A2M: variants seen among roughly 807,000 people sequenced by gnomAD.
A2M encodes the protein alpha-2-macroglobulin.
In A2M, 128 loss-of-function variants were observed where a neutral mutation model predicts 183.9. The observed-to-expected ratio is 0.70, with a 90% CI of 0.60 to 0.81. The LOEUF is 0.81. Ranked by LOEUF, A2M falls within the 30% of genes least tolerant of loss-of-function variation. The probability of loss-of-function intolerance (pLI) is 0.00; values close to 1 mark genes in which losing one functional copy is unlikely to be tolerated. For missense variants in A2M, 1,495 were observed against 1,787.6 expected, an observed-to-expected ratio of 0.84 and a Z score of 2.95; for synonymous variants, 592 against 670.8, an observed-to-expected ratio of 0.88 and a Z score of 1.81.
chr12:9,079,547 A>G (rs1438570316), intron 24 of A2M, 92 bp downstream of exon 24: 1 of 1,245,094 alleles, frequency 8.0e-7, no homozygotes, highest in Non-Finnish European at 1.1e-6. Flanking sequence ...GAGCTAAGCT[A>G]ATGTATCATA....
In A2M at chr12:9,104,261, A is replaced by T; in HGVS notation, c.1244T>A (p.Met415Lys). The T allele has an allele frequency of 6.2e-7, 1 of 1,612,748 alleles. No homozygotes were observed. Among genetic ancestry groups the T allele is most frequent in the South Asian group, 1.1e-5 (1 of 90,640 alleles). The change falls in exon 11 of 36, where the codon ATG becomes AAG. Residue 415 changes from methionine to lysine, a missense_variant. Coordinates refer to ENST00000318602, the MANE Select transcript of A2M (RefSeq NM_000014.6). ...TACCCTAACAGTAAGAGAGGTACCC[A>T]TAACATTGGTGGTGTTGATAGAGAA... ...VQFSINTTNV[M>K]GTSLTVRVNY...
In A2M at chr12:9,095,580, C is replaced by T; in HGVS notation, c.1972G>A (p.Val658Ile). The T allele has an allele frequency of 1.2e-6, 2 of 1,612,300 alleles. No homozygotes were observed. Among genetic ancestry groups the T allele is most frequent in the South Asian group, 1.1e-5 (1 of 91,002 alleles). Reference sequence around the variant, plus strand: ...ATATCCTTTTCATTTGTACTTGATACTGGAGTATATGTGATTCCATTAATA... The same window carrying T: ...ATATCCTTTTCATTTGTACTTGATATTGGAGTATATGTGATTCCATTAATA... ...VYINGITYTP[V>I]SSTNEKDMYS... The change falls in exon 16 of 36, where the codon GTA becomes ATA. Residue 658 changes from valine (V) to isoleucine (I), a missense_variant. Coordinates refer to ENST00000318602, the MANE Select transcript of A2M (RefSeq NM_000014.6).
chr12:9,114,907 A>G (rs748011447), intron 1 of A2M, among the ~76,000 whole-genome samples: 1 of 152,336 alleles, frequency 6.6e-6, no homozygotes, highest in East Asian at 1.9e-4. Context: ...TGATTCATAC[A>G]TATTAGATAT....
intron 21 of A2M, among the ~76,000 whole-genome samples, chr12:9,089,529 CCAGGA>C (rs753158152): frequency 2.0e-4 from 30 of 152,180 alleles, no homozygotes; most frequent in Non-Finnish European, 3.4e-4. Context: ...TCACTTGAGG[CCAGGA>C]GTTCGAGACC....
chr12:9,092,297 T>C (rs765213383), intron 18 of A2M, among the ~76,000 whole-genome samples: 4 of 152,172 alleles, frequency 2.6e-5, no homozygotes, highest in Non-Finnish European at 5.9e-5. Flanking sequence ...GTCTGGCTCC[T>C]AAATCACCTA....
At chr12:9,072,267 T>G in intron 31 of A2M, 92 bp downstream of exon 31, 5 of 1,437,626 alleles carry the variant, frequency 3.5e-6, no homozygotes, top group Non-Finnish European at 4.8e-6. Flanking sequence ...AGTGCAAATA[T>G]CTACTGTTGC....
At position 9,112,482 on chromosome 12, in the gene A2M, C is replaced by T; in HGVS notation, c.325G>A (p.Gly109Arg). 6.2e-7 allele frequency: 1 copy of T among 1,613,812 alleles called. No homozygotes were observed. Among genetic ancestry groups the T allele is most frequent in the Non-Finnish European group, 8.5e-7 (1 of 1,179,804 alleles). Reference protein sequence around the residue: ...EVMFLTVQVKGPTQEFKKRTT... With the variant: ...EVMFLTVQVKRPTQEFKKRTT... The stretch of plus-strand genomic sequence containing the variant: ...CGCTTCTTAAATTCTTGGGTTGGTC[C>T]TTTCACTTGGACAGTGAGGAACATT... Residue 109 changes from glycine to arginine, a missense_variant, in exon 3 of 36, where the codon GGA becomes AGA. By Grantham distance (125) the Gly-to-Arg change is moderately radical. Coordinates refer to ENST00000318602, the MANE Select transcript of A2M (RefSeq NM_000014.6).
intron 8 of A2M, 39 bp from the exon 9 acceptor site, chr12:9,106,644 T>A: frequency 9.4e-7 from 1 of 1,067,636 alleles, no homozygotes; most frequent in African/African-American, 1.6e-5. Flanking sequence ...ATATAATGCA[T>A]ATTATACTAA....
At position 9,090,001 on chromosome 12, in the gene A2M, G is replaced by A. The variant is rs767057851; in HGVS notation, c.2619C>T (p.Ser873=). 8.8e-6 allele frequency: 14 copies of A among 1,596,426 alleles called. No homozygotes were observed. Among genetic ancestry groups the A allele is most frequent in the Admixed American group, 3.4e-5 (2 of 59,456 alleles). ...KSLGNVNFTV[S]AEALESQELC... is the part of the protein sequence containing the mutation. ...GCTCTTGAGACTCTAGTGCCTCTGC[G>A]CTCACAGTGAAATTCACATTTCCTG... The change falls in exon 21 of 36, where the codon AGC becomes AGT. Residue 873 remains serine, a synonymous_variant. Coordinates refer to ENST00000318602, the MANE Select transcript of A2M (RefSeq NM_000014.6).
In A2M at chr12:9,096,784, T is replaced by C. The variant is rs192124994; in HGVS notation, c.1852-1084A>G. On this transcript the variant is annotated intron_variant, in intron 15 of 35. Transcript: ENST00000318602. Reference sequence around the variant, plus strand: ...TCCTCTCCCTGCTTTTATTGTGGCATATTGCATAATTATTGTCTGTCTCAT... The same window carrying C: ...TCCTCTCCCTGCTTTTATTGTGGCACATTGCATAATTATTGTCTGTCTCAT... Among the ~76,000 whole-genome samples, 174 of 152,366 alleles carry C rather than the reference T, an allele frequency of 1.1e-3. No homozygotes were observed. In the Middle Eastern group the frequency reaches 0.027, roughly 24 times the overall value.
At position 9,104,256 on chromosome 12, in the gene A2M, T is replaced by TA. The variant is rs1565599783; in HGVS notation, c.1248dup (p.Thr417TyrfsTer6). On this transcript the variant is annotated frameshift_variant, in exon 11 of 36. Coordinates refer to ENST00000318602, the MANE Select transcript of A2M (RefSeq NM_000014.6). LOFTEE classifies it high-confidence loss of function. ...AAACTTACCCTAACAGTAAGAGAGG[T>TA]ACCCATAACATTGGTGGTGTTGATA... The TA allele has an allele frequency of 6.2e-7, 1 of 1,612,402 alleles. No individual in the cohort carries two copies. The highest frequency in any genetic ancestry group is 1.7e-5 in the Admixed American group (1 of 59,780).
At chr12:9,113,785 G>A (rs1938925412) in intron 1 of A2M, among the ~76,000 whole-genome samples, 3 of 152,134 alleles carry the variant, frequency 2.0e-5, no homozygotes. Flanking sequence ...TTGTAGGCAT[G>A]CTTCACTTTA....
chr12:9,093,508 T>G lies in A2M; in HGVS notation c.2197A>C (p.Lys733Gln). 6.2e-7 allele frequency: 1 copy of G among 1,613,912 alleles called. No individual in the cohort carries two copies. The highest frequency in any genetic ancestry group is 8.5e-7 in the Non-Finnish European group (1 of 1,179,836). ...VEEPHTETVR[K>Q]YFPETWIWDL... is the part of the protein sequence containing the mutation. Reference sequence around the variant, plus strand: ...CAGATCCATGTCTCAGGGAAGTACTTTCGTACGGTCTCCGTGTGAGGCTCT... The same window carrying G: ...CAGATCCATGTCTCAGGGAAGTACTGTCGTACGGTCTCCGTGTGAGGCTCT... The change falls in exon 18 of 36, where the codon AAG (lysine) becomes CAG (glutamine). Residue 733 changes from lysine to glutamine, a missense_variant. Physicochemically the swap from Lys to Gln is moderately conservative, Grantham distance 53. Coordinates refer to ENST00000318602, the MANE Select transcript of A2M (RefSeq NM_000014.6).
chr12:9,076,272 C>A (rs991352220), intron 28 of A2M, among the ~76,000 whole-genome samples: 2 of 152,192 alleles, frequency 1.3e-5, no homozygotes, highest in African/African-American at 2.4e-5. Context: ...GTGACATGTA[C>A]TCTACTAAGT....
chr12:9,090,505 G>C, intron 19 of A2M, 23 bp from the exon 20 acceptor site: 1 of 1,610,632 alleles, frequency 6.2e-7, no homozygotes, highest in Non-Finnish European at 8.5e-7. Flanking sequence ...ATAAGAAAGG[G>C]AGTAGAGAGG....
At chr12:9,103,286 A>G (rs962072369) in intron 11 of A2M, among the ~76,000 whole-genome samples, 3 of 152,198 alleles carry the variant, frequency 2.0e-5, no homozygotes, top group African/African-American at 7.2e-5. Context: ...TAGTATTGCA[A>G]TCATTTTACA....
At chr12:9,087,527 G>C (rs777822637) in intron 22 of A2M, among the ~76,000 whole-genome samples, 8 of 152,220 alleles carry the variant, frequency 5.3e-5, no homozygotes, top group African/African-American at 1.9e-4. Flanking sequence ...GGAAGGTGGT[G>C]TTCAAGGGAC....
chr12:9,090,284 A>C (rs1405160417), intron 20 of A2M, 72 bp downstream of exon 20: 8 of 1,600,572 alleles, frequency 5.0e-6, no homozygotes, highest in Non-Finnish European at 6.8e-6. Context: ...AGGAAGTAGC[A>C]CTCAATATAA....
intron 17 of A2M, among the ~76,000 whole-genome samples, chr12:9,093,831 C>CGGGTGGATCACGAGGTCAGGAGAT: frequency 4.6e-5 from 7 of 151,668 alleles, no homozygotes; most frequent in African/African-American, 1.7e-4. Context: ...GAGGCCGAGG[C>CGGGTGGATCACGAGGTCAGGAGAT]CGAGACGGCG....
Sources: allele counts gnomAD v4.1 joint callset (sites outside exome capture counted in the v4.1 genomes callset), GRCh38; gene constraint gnomAD v4.1.1; transcripts MANE v1.5; gene names NCBI Gene and HGNC (gene_info 2026-07-23, HGNC 2026-07-21).